The following FOXP1 variants were observed in gnomAD, a reference collection of about 807,000 sequenced individuals.
The protein encoded by FOXP1 is forkhead box P1, also known as forkhead box protein P1.
Under a neutral mutation model 98.2 loss-of-function variants are expected in FOXP1, and 15 were observed. The ratio of observed to expected loss-of-function variants is 0.15; its 90% CI spans 0.10 to 0.24. The LOEUF (loss-of-function observed/expected upper bound fraction) is 0.24, where lower values mean the gene tolerates loss of function less well. Among genes scored for constraint, FOXP1 ranks in the 10% least tolerant of loss-of-function variants. The pLI is 1.00. For missense variants in FOXP1, 633 were observed against 848.5 expected (o/e 0.75, Z 3.15); for synonymous variants, 371 against 314.5 (o/e 1.18, Z -1.90).
intron 11 of FOXP1, among the ~76,000 whole-genome samples, chr3:71,041,031 G>A (rs2048271641): frequency 6.6e-6 from 1 of 152,136 alleles, no homozygotes; most frequent in African/African-American, 2.4e-5. Flanking sequence ...TGAGCACTTG[G>A]CAGAAGGAGT....
At chr3:71,313,202 G>A (rs1205587215) in intron 4 of FOXP1, among the ~76,000 whole-genome samples, 1 of 151,278 alleles carries the variant, frequency 6.6e-6, no homozygotes, top group South Asian at 2.1e-4. Context: ...TAGGAATACA[G>A]GCGCCCGCCA....
rs148357983 is a variant in FOXP1, at chr3:71,468,972, A to T, written c.-168+24454T>A. Among the ~76,000 whole-genome samples, 111 of 152,248 alleles carry T rather than the reference A, an allele frequency of 7.3e-4. No homozygotes were observed. In the East Asian group the frequency reaches 0.015, roughly 20 times the overall value. ...CCTGAATGAGAATTTGGACCCAGGGATGTTTGAGGCCTGTCGAATACTTCC... is the reference window on the plus strand; with the variant it reads ...CCTGAATGAGAATTTGGACCCAGGGTTGTTTGAGGCCTGTCGAATACTTCC... On this transcript the variant is annotated intron_variant, in intron 3 of 20. Transcript: ENST00000649528.
intron 14 of FOXP1, 55 bp downstream of exon 14, chr3:70,987,939 G>C (rs2040014380): frequency 1.3e-6 from 2 of 1,546,518 alleles, no homozygotes; most frequent in East Asian, 2.2e-5. Flanking sequence ...TGGGGAAGTA[G>C]AAAAGGAATA....
At chr3:71,011,971 A>C (rs562395391) in intron 12 of FOXP1, among the ~76,000 whole-genome samples, 142 of 152,240 alleles carry the variant, frequency 9.3e-4, no homozygotes, top group African/African-American at 3.3e-3. Flanking sequence ...TCTTCTAATA[A>C]ATATAACCTA....
At chr3:70,972,518 CA>C in intron 18 of FOXP1, 36 bp downstream of exon 18, 1 of 1,613,876 alleles carries the variant, frequency 6.2e-7, no homozygotes, top group Non-Finnish European at 8.5e-7. Flanking sequence ...TAGCACAATC[CA>C]AGCTAGGCTA....
At chr3:71,201,997 G>T (rs1312104211) in intron 5 of FOXP1, among the ~76,000 whole-genome samples, 1 of 152,124 alleles carries the variant, frequency 6.6e-6, no homozygotes, top group African/African-American at 2.4e-5. Context: ...TGTGACCATC[G>T]GGATCCCAGG....
chr3:70,977,274 TATTA>T (rs763966741), intron 16 of FOXP1, among the ~76,000 whole-genome samples: 43 of 152,200 alleles, frequency 2.8e-4, no homozygotes, highest in South Asian at 2.1e-4. Flanking sequence ...AATATTAATT[TATTA>T]GTCATTCATA....
chr3:70,972,721 A>C, intron 17 of FOXP1, 45 bp from the exon 18 acceptor site: 3 of 1,603,318 alleles, frequency 1.9e-6, no homozygotes, highest in Non-Finnish European at 2.6e-6. Flanking sequence ...TTCTATAAGA[A>C]AAGACTCCAA....
intron 4 of FOXP1, among the ~76,000 whole-genome samples, chr3:71,315,079 T>TAAAAAAAAAAAAAAAAAAA (rs11355298): frequency 3.5e-4 from 25 of 70,672 alleles, no homozygotes; most frequent in African/African-American, 8.0e-4. Flanking sequence ...CTGGTCCATG[T>TAAAAAAAAAAAAAAAAAAA]AAAAAAAAAA....
intron 6 of FOXP1, among the ~76,000 whole-genome samples, chr3:71,115,111 G>A (rs561644348): frequency 6.6e-6 from 1 of 152,130 alleles, no homozygotes; most frequent in East Asian, 1.9e-4. Flanking sequence ...GCAAAGAAGG[G>A]TTTGGTTGCT....
intron 7 of FOXP1, among the ~76,000 whole-genome samples, chr3:71,105,310 C>T (rs1441618556): frequency 6.6e-6 from 1 of 152,004 alleles, no homozygotes; most frequent in Non-Finnish European, 1.5e-5. Context: ...GATCCTGTGG[C>T]TCTCATAATT....
chr3:71,505,855 A>G (rs898017593), intron 2 of FOXP1, among the ~76,000 whole-genome samples: 4 of 152,128 alleles, frequency 2.6e-5, no homozygotes, highest in African/African-American at 9.7e-5. Context: ...ACCTGTCACT[A>G]AAGTCTAAAG....
intron 2 of FOXP1, among the ~76,000 whole-genome samples, chr3:71,520,968 C>T (rs916662800): frequency 2.0e-5 from 3 of 152,122 alleles, no homozygotes; most frequent in South Asian, 2.1e-4. Context: ...CCCCTCCCAC[C>T]GACTTGCACC....
chr3:70,981,191 C>CA (rs71104406), intron 14 of FOXP1, among the ~76,000 whole-genome samples: 3,775 of 59,876 alleles, frequency 0.063, 520 homozygotes, highest in East Asian at 0.19. Context: ...CTCTTTCTAC[C>CA]AAAAAAAAAA....
At chr3:71,186,334 A>C (rs970262547) in intron 6 of FOXP1, among the ~76,000 whole-genome samples, 1 of 152,204 alleles carries the variant, frequency 6.6e-6, no homozygotes, top group African/African-American at 2.4e-5. Flanking sequence ...TGTCAGCTGA[A>C]TGATTAGAAA....
At chr3:71,092,304 A>G (rs2055958432) in intron 7 of FOXP1, among the ~76,000 whole-genome samples, 1 of 152,046 alleles carries the variant, frequency 6.6e-6, no homozygotes, top group Non-Finnish European at 1.5e-5. Context: ...CTGGTGAGTT[A>G]GGGAGGAGGT....
Position 70,955,269 on chromosome 3 carries a change from A to T in FOXP1, c.*3978T>A. On this transcript the variant is annotated 3_prime_UTR_variant, in exon 21 of 21. Transcript: ENST00000649528. ...AGTGATTTACAGCCTATCTTGGGTTAAGAATCCAAGGTTTTCTTTACTAGG... is the reference window on the plus strand; with the variant it reads ...AGTGATTTACAGCCTATCTTGGGTTTAGAATCCAAGGTTTTCTTTACTAGG... 1 of 232,888 alleles carries T rather than the reference A, an allele frequency of 4.3e-6. No individual in the cohort carries two copies. The highest frequency in any genetic ancestry group is 2.2e-5 in the African/African-American group (1 of 45,418). 14.4% of individuals were successfully genotyped at this position (232,888 alleles called of 1,614,324 possible). A position where few individuals can be genotyped will look rare whatever the true frequency, so the allele number is the denominator to read the frequency against.
At position 70,957,783 on chromosome 3, in the gene FOXP1, A is replaced by C. The variant is rs1225244745; in HGVS notation, c.*1464T>G. The C allele has an allele frequency of 1.3e-5, 3 of 233,938 alleles. No homozygotes were observed. The highest frequency in any genetic ancestry group is 6.6e-5 in the African/African-American group (3 of 45,348). 14.5% of individuals were successfully genotyped at this position (233,938 alleles called of 1,614,324 possible). A position where few individuals can be genotyped will look rare whatever the true frequency, so the allele number is the denominator to read the frequency against. On this transcript the variant is annotated 3_prime_UTR_variant, in exon 21 of 21. Transcript: ENST00000649528. ...TGGGTTGGTGATATAATATTGCATA[A>C]CAAACTGCAGTACCAAATTTGCATA... is the stretch of plus-strand genomic sequence containing the variant.
chr3:71,581,205 T>A (rs2048135141), intron 2 of FOXP1: 1 of 985,134 alleles, frequency 1.0e-6, no homozygotes, highest in Admixed American at 6.2e-5. Flanking sequence ...GCAAGGGTAT[T>A]TGGATACAAT....
Sources: gnomAD v4.1 joint callset for allele counts (sites outside exome capture counted in the v4.1 genomes callset) on GRCh38, gnomAD v4.1.1 for gene constraint, MANE v1.5 for transcripts, NCBI Gene and HGNC (gene_info 2026-07-23, HGNC 2026-07-21) for gene names.